Variants in STIM1 observed in about 807,000 individuals in gnomAD.
STIM1 encodes stromal interaction molecule 1.
A neutral mutation model predicts 74.7 loss-of-function variants in STIM1; 25 were observed. That is an observed-to-expected ratio of 0.33 (90% CI 0.24 to 0.47). The LOEUF (loss-of-function observed/expected upper bound fraction) is 0.47, where lower values mean the gene tolerates loss of function less well. Ranked by LOEUF, STIM1 falls within the 20% of genes least tolerant of loss-of-function variation. The pLI, the probability that STIM1 is intolerant of heterozygous loss-of-function variation, is 1.00. For synonymous variants in STIM1, 328 were observed against 348.8 expected (o/e 0.94, Z 0.66); for missense variants, 728 against 920.8 (o/e 0.79, Z 2.71).
At chr11:3,866,829 G>T (rs1047405717) in intron 1 of STIM1, among the ~76,000 whole-genome samples, 1 of 152,062 alleles carries the variant, frequency 6.6e-6, no homozygotes, top group South Asian at 2.1e-4. Flanking sequence ...ATAAGAGAGG[G>T]TAAAGAAAGA....
intron 2 of STIM1, among the ~76,000 whole-genome samples, chr11:3,973,748 C>CT (rs2093418492): frequency 6.6e-6 from 1 of 152,138 alleles, no homozygotes; most frequent in Non-Finnish European, 1.5e-5. Context: ...AAGTCTCACA[C>CT]TGTCGGCCAG....
chr11:3,957,543 C>A (rs1377793537), intron 1 of STIM1, among the ~76,000 whole-genome samples: 1 of 151,886 alleles, frequency 6.6e-6, no homozygotes, highest in Non-Finnish European at 1.5e-5. Context: ...TAGGGTGAGC[C>A]ACTGCGCCTG....
chr11:3,904,398 G>C (rs2092424992), intron 1 of STIM1, among the ~76,000 whole-genome samples: 1 of 151,956 alleles, frequency 6.6e-6, no homozygotes, highest in African/African-American at 2.4e-5. Flanking sequence ...CTGAACTGGA[G>C]TGTTGGACTA....
intron 12 of STIM1, 175 bp downstream of exon 12, chr11:4,086,718 C>T (rs1304345103): frequency 1.3e-6 from 2 of 1,538,070 alleles, no homozygotes; most frequent in Non-Finnish European, 1.7e-6. Context: ...CTACCACCAC[C>T]ACCACCACCA....
chr11:4,019,519 T>A (rs1484514433), intron 2 of STIM1, among the ~76,000 whole-genome samples: 3 of 151,496 alleles, frequency 2.0e-5, no homozygotes, highest in Non-Finnish European at 2.9e-5. Context: ...ACAAAAAATT[T>A]AAAAAAATAG....
intron 1 of STIM1, among the ~76,000 whole-genome samples, chr11:3,894,635 G>A (rs1320436801): frequency 6.6e-6 from 1 of 152,176 alleles, no homozygotes; most frequent in African/African-American, 2.4e-5. Context: ...ACATGTTCCA[G>A]ACCCAGGGTC....
At chr11:3,893,633 G>C (rs2091963555) in intron 1 of STIM1, among the ~76,000 whole-genome samples, 1 of 150,530 alleles carries the variant, frequency 6.6e-6, no homozygotes, top group African/African-American at 2.4e-5. Flanking sequence ...TATATGGTTG[G>C]TTAAAATCTG....
At chr11:4,086,432 AAAGTGGG>A in intron 11 of STIM1, 38 bp from the exon 12 acceptor site, 2 of 1,608,202 alleles carry the variant, frequency 1.2e-6, no homozygotes, top group African/African-American at 1.3e-5. Flanking sequence ...CTGCCAGCCC[AAAGTGGG>A]CTGGCCCCTC....
rs780197232 is a variant in STIM1 at position 3,962,253 on chromosome 11, T to G, written c.140-5299T>G. Among the ~76,000 whole-genome samples, 48 of 152,118 alleles carry G rather than the reference T, an allele frequency of 3.2e-4. 2 individuals carry two copies. Among genetic ancestry groups the G allele is most frequent in the Non-Finnish European group, 1.9e-4 (13 of 68,026 alleles). Reference sequence around the variant, plus strand: ...CGTCCTCCCCCACTCCTGGCAACTTTTCGAAGTCTCCACTGCCTCCAGGGA... The same window carrying G: ...CGTCCTCCCCCACTCCTGGCAACTTGTCGAAGTCTCCACTGCCTCCAGGGA... On this transcript the variant is annotated intron_variant, in intron 1 of 12. Transcript: ENST00000526596.
chr11:3,940,649 A>C (rs2092993745), intron 1 of STIM1, among the ~76,000 whole-genome samples: 1 of 151,964 alleles, frequency 6.6e-6, no homozygotes. Flanking sequence ...CTCCCCTACG[A>C]CCCTTTCAAG....
intron 1 of STIM1, among the ~76,000 whole-genome samples, chr11:3,906,716 G>T (rs974152718): frequency 3.3e-5 from 5 of 152,150 alleles, no homozygotes; most frequent in African/African-American, 1.2e-4. Flanking sequence ...GCTCCATGAG[G>T]ATAGTACCAG....
chr11:3,949,830 A>G (rs2093123363), intron 1 of STIM1, among the ~76,000 whole-genome samples: 1 of 152,194 alleles, frequency 6.6e-6, no homozygotes, highest in South Asian at 2.1e-4. Context: ...GACATTGATA[A>G]AATCCACCAA....
chr11:3,963,363 T>C (rs917615538), intron 1 of STIM1, among the ~76,000 whole-genome samples: 2 of 152,298 alleles, frequency 1.3e-5, no homozygotes, highest in South Asian at 2.1e-4. Flanking sequence ...CCTGTGTTCT[T>C]TTGCTAAGGA....
chr11:4,064,646 G>T (rs1254200078), intron 5 of STIM1, among the ~76,000 whole-genome samples: 1 of 152,180 alleles, frequency 6.6e-6, no homozygotes, highest in East Asian at 1.9e-4. Context: ...GAGGGAACAG[G>T]TGCCATCTGT....
At chr11:3,997,714 T>C (rs2093675670) in intron 2 of STIM1, among the ~76,000 whole-genome samples, 1 of 152,178 alleles carries the variant, frequency 6.6e-6, no homozygotes, top group African/African-American at 2.4e-5. Context: ...TTCATTATCA[T>C]TGGGAATTGG....
chr11:3,978,585 ACC>A (rs1180315744), intron 2 of STIM1, among the ~76,000 whole-genome samples: 1 of 147,370 alleles, frequency 6.8e-6, no homozygotes, highest in East Asian at 2.2e-4. Context: ...ACATGGTGAA[ACC>A]CCGTCTCTAC....
chr11:4,036,748 G>A (rs557787253), intron 3 of STIM1, among the ~76,000 whole-genome samples: 43 of 152,234 alleles, frequency 2.8e-4, no homozygotes, highest in South Asian at 1.9e-3. Context: ...GAGGACTCTG[G>A]ATATTAGACC....
chr11:3,927,786 TCTC>T (rs1377092886), intron 1 of STIM1, among the ~76,000 whole-genome samples: 8 of 152,196 alleles, frequency 5.3e-5, no homozygotes, highest in Non-Finnish European at 1.2e-4. Context: ...GTTTTTCACT[TCTC>T]CTTGTAAGTC....
At chr11:3,900,016 A>T (rs914368796) in intron 1 of STIM1, among the ~76,000 whole-genome samples, 1 of 152,096 alleles carries the variant, frequency 6.6e-6, no homozygotes, top group Non-Finnish European at 1.5e-5. Context: ...TGGTATCAGG[A>T]TGATGCTGGC....
Sources: allele counts gnomAD v4.1 joint callset (sites outside exome capture counted in the v4.1 genomes callset), GRCh38; gene constraint gnomAD v4.1.1; transcripts MANE v1.5; gene names NCBI Gene and HGNC (gene_info 2026-07-23, HGNC 2026-07-21).